Variants in HCFC1 observed in about 807,000 individuals in gnomAD.
HCFC1 encodes the protein host cell factor 1.
In HCFC1, 7 loss-of-function variants were observed where a neutral mutation model predicts 105.5. That is an observed-to-expected ratio of 0.07 (90% CI 0.04 to 0.12). HCFC1 has a LOEUF of 0.12. Ranked by LOEUF, HCFC1 falls within the 10% of genes least tolerant of loss-of-function variation. HCFC1 has a pLI of 1.00. For synonymous variants in HCFC1, 918 were observed against 828.1 expected (o/e 1.11, Z -1.86); for missense variants, 1,065 against 1,823.6 (o/e 0.58, Z 7.58).
intron 17 of HCFC1, 27 bp from the exon 18 acceptor site, chrX:153,953,797 C>T (rs3027880): frequency 1.7e-6 from 2 of 1,177,905 alleles, no homozygotes; most frequent in African/African-American, 3.5e-5. Context: ...CAGGCGGCTG[C>T]TCAGCAGGAG....
At chrX:153,964,449 CCAAGTT>C in intron 2 of HCFC1, 123 bp downstream of exon 2, 1 of 917,735 alleles carries the variant, frequency 1.1e-6, no homozygotes, top group African/African-American at 2.0e-5. Flanking sequence ...CTGAGGTGGG[CCAAGTT>C]CAGAGCAGCC....
chrX:153,961,855 C>T (rs782410038), intron 5 of HCFC1, among the ~76,000 whole-genome samples: 3 of 112,043 alleles, frequency 2.7e-5, no homozygotes, highest in East Asian at 2.8e-4. Context: ...ATAAAAGTGC[C>T]GTTCAGCTCA....
chrX:153,960,334 C>T lies in HCFC1; in HGVS notation c.985G>A (p.Ala329Thr), dbSNP rs1557116478. Reference protein sequence around the residue: ...PRARAGHCAVAINTRLYIWSG... With the variant: ...PRARAGHCAVTINTRLYIWSG... Reference sequence around the variant, plus strand: ...CAAATGTACAGGCGGGTGTTGATGGCGACTGCGCAGTGGCCAGCCCGAGCA... The same window carrying T: ...CAAATGTACAGGCGGGTGTTGATGGTGACTGCGCAGTGGCCAGCCCGAGCA... Residue 329 changes from alanine to threonine, a missense_variant, in exon 7 of 26, where the codon GCC becomes ACC. Transcript: ENST00000310441. 6.7e-6 allele frequency: 8 copies of T among 1,202,737 alleles called. No individual in the cohort carries two copies. The highest frequency in any genetic ancestry group is 1.7e-5 in the African/African-American group (1 of 57,461).
intron 16 of HCFC1, among the ~76,000 whole-genome samples, chrX:153,955,873 G>A (rs1327577490): frequency 1.8e-5 from 2 of 113,048 alleles, no homozygotes; most frequent in Non-Finnish European, 3.7e-5. Flanking sequence ...ACGTTTCACC[G>A]TTTTCCTTAA....
rs1210884262 is a variant in HCFC1 at position 153,970,831 on chromosome X, C to T, written c.10G>A (p.Ala4Thr). MAS[A>T]VSPANLPAVL... ...GCTGGCAAGTTGGCGGGCGACACGGCCGAAGCCATAGTTCCGGGAAAGGGT... is the reference window on the plus strand; with the variant it reads ...GCTGGCAAGTTGGCGGGCGACACGGTCGAAGCCATAGTTCCGGGAAAGGGT... The change falls in exon 1 of 26, where the codon GCC becomes ACC. Residue 4 changes from alanine to threonine, a missense_variant. Coordinates refer to ENST00000310441, the MANE Select transcript of HCFC1 (RefSeq NM_005334.3). 6.9e-6 allele frequency: 8 copies of T among 1,157,106 alleles called. No individual in the cohort carries two copies. Among genetic ancestry groups the T allele is most frequent in the Non-Finnish European group, 8.0e-6 (7 of 872,162 alleles).
At position 153,959,878 on chromosome X, in the gene HCFC1, C is replaced by T. The variant is rs782488161; in HGVS notation, c.1368G>A (p.Pro456=). The change falls in exon 8 of 26, where the codon CCG becomes CCA. Residue 456 remains proline, a synonymous_variant. Transcript: ENST00000310441. ...TLLPQAAPAP[P]TTTTIQVLPT... is the part of the protein sequence containing the mutation. ...GCAAGACCTGGATGGTGGTGGTGGT[C>T]GGGGGTGCGGGGGCAGCCTGGGGCA... 5.9e-6 allele frequency: 7 copies of T among 1,193,497 alleles called. No individual in the cohort carries two copies. The highest frequency in any genetic ancestry group is 5.3e-5 in the African/African-American group (3 of 56,908).
In HCFC1 at chrX:153,954,340, A is replaced by T; in HGVS notation, c.4059T>A (p.Ala1353=). The T allele has an allele frequency of 8.3e-7, 1 of 1,201,923 alleles. No homozygotes were observed. The highest frequency in any genetic ancestry group is 2.3e-4 in the Middle Eastern group (1 of 4,286). The change falls in exon 17 of 26, where the codon GCT becomes GCA. Residue 1353 remains alanine (A), a synonymous_variant. Coordinates refer to ENST00000310441, the MANE Select transcript of HCFC1 (RefSeq NM_005334.3). ...GQPEGGQQPP[A]GRPCETHQTT... ...TCTGGTGTGTCTCACAGGGGCGACC[A>T]GCAGGGGGCTGCTGCCCACCCTCGG...
In HCFC1 at chrX:153,954,358, A is replaced by C. The variant is rs782457287; in HGVS notation, c.4041T>G (p.Gly1347=). ...GGCGACCAGCAGGGGGCTGCTGCCC[A>C]CCCTCGGGCTGGCCCGTGCCCCCGT... is the stretch of plus-strand genomic sequence containing the variant. The part of the protein sequence containing the change: ...TSNGGTGQPE[G]GQQPPAGRPC... The change falls in exon 17 of 26, where the codon GGT becomes GGG. Residue 1347 remains glycine, a synonymous_variant. Coordinates refer to ENST00000310441, the MANE Select transcript of HCFC1 (RefSeq NM_005334.3). 75 of 1,190,626 alleles carry C rather than the reference A, an allele frequency of 6.3e-5. No homozygotes were observed. The highest frequency in any genetic ancestry group is 8.4e-5 in the Non-Finnish European group (75 of 888,003).
In HCFC1 at chrX:153,948,150, C is replaced by A. The variant is rs1391014338; in HGVS notation, c.*1197G>T. The A allele has an allele frequency of 5.4e-5, 6 of 112,001 alleles. No individual in the cohort carries two copies. Among genetic ancestry groups the A allele is most frequent in the Admixed American group, 9.4e-5 (1 of 10,599 alleles). 9.2% of individuals were successfully genotyped at this position (112,001 alleles called of 1,213,427 possible). On this transcript the variant is annotated 3_prime_UTR_variant, in exon 26 of 26. Coordinates refer to ENST00000310441, the MANE Select transcript of HCFC1 (RefSeq NM_005334.3). ...AGCAGTGGCTGCGGAAACCAGCAGC[C>A]CTGTTTGGGAGGCGGTGCCGGTGGT...
In HCFC1 at chrX:153,971,789, GCCT is replaced by G. The variant is rs1361741141; in HGVS notation, c.-952_-950del. On this transcript the variant is annotated 5_prime_UTR_variant, in exon 1 of 26. Coordinates refer to ENST00000310441, the MANE Select transcript of HCFC1 (RefSeq NM_005334.3). ...GAAGCGGTAACGGCAGGGCGCTCAT[GCCT>G]CCTCCCTGGGAGCCGCCATCTTGTG... The G allele has an allele frequency of 6.8e-6, 2 of 295,803 alleles. No homozygotes were observed. Among genetic ancestry groups the G allele is most frequent in the African/African-American group, 5.5e-5 (2 of 36,507 alleles). The allele number at this position is 295,803 out of a possible 1,213,427, so 24.4% of individuals were successfully genotyped here.
chrX:153,964,444 G>T, intron 2 of HCFC1, 134 bp downstream of exon 2: 1 of 891,685 alleles, frequency 1.1e-6, no homozygotes, highest in African/African-American at 2.0e-5. Flanking sequence ...TTCTTCTGAG[G>T]TGGGCCAAGT....
At chrX:153,951,565 G>A (rs1459517560) in intron 21 of HCFC1, 24 bp downstream of exon 21, 1 of 1,205,078 alleles carries the variant, frequency 8.3e-7, no homozygotes, top group African/African-American at 1.8e-5. Flanking sequence ...CACGGACTCA[G>A]GAGCCCCAAC....
chrX:153,961,003 T>C (rs2065424397), intron 6 of HCFC1, among the ~76,000 whole-genome samples: 1 of 112,117 alleles, frequency 8.9e-6, no homozygotes, highest in Non-Finnish European at 1.9e-5. Flanking sequence ...TAGGATACAC[T>C]TGCACACGGG....
rs2065310935 is a variant in HCFC1 at position 153,951,505 on chromosome X, T to C, written c.5380-18A>G. The C allele has an allele frequency of 8.3e-7, 1 of 1,208,963 alleles. No homozygotes were observed. The highest frequency in any genetic ancestry group is 1.8e-5 in the African/African-American group (1 of 57,033). On this transcript the variant is annotated intron_variant, in intron 21 of 25. Transcript: ENST00000310441. ...TCTGGCTTCTGCAAGACAGAATCGG[T>C]GCGACGAGATCAGGCCCTCAGCACC...
In HCFC1 at chrX:153,964,027, G is replaced by A. The variant is rs1187135942; in HGVS notation, c.503+97C>T. 4.3e-5 allele frequency: 32 copies of A among 752,426 alleles called. 1 individual carries two copies. Among genetic ancestry groups the A allele is most frequent in the Non-Finnish European group, 5.6e-5 (30 of 539,897 alleles). The allele number at this position is 752,426 out of a possible 1,213,427, so 62.0% of individuals were successfully genotyped here. On this transcript the variant is annotated intron_variant, in intron 3 of 25. Transcript: ENST00000310441. ...AGCACGAGAAAGGGACCCGGCCACG[G>A]GGCTCTGCTGCGCACATTCTTTAGG...
chrX:153,966,014 C>T (rs997904839), intron 1 of HCFC1, among the ~76,000 whole-genome samples: 10 of 111,173 alleles, frequency 9.0e-5, no homozygotes, highest in Non-Finnish European at 1.5e-4. Context: ...CAACTCCCAG[C>T]CTGGGTAGCA....
At position 153,970,685 on chromosome X, in the gene HCFC1, G is replaced by A. The variant is rs1296598257; in HGVS notation, c.156C>T (p.Asn52=). 6 of 1,207,220 alleles carry A rather than the reference G, an allele frequency of 5.0e-6. No individual in the cohort carries two copies. Among genetic ancestry groups the A allele is most frequent in the Non-Finnish European group, 6.7e-6 (6 of 893,935 alleles). ...KELIVVFGGG[N]EGIVDELHVY... is the part of the protein sequence containing the mutation. ...CGTGCAGTTCGTCCACTATTCCCTC[G>A]TTGCCGCCGCCAAACACCACGATGA... Residue 52 remains asparagine, a synonymous_variant, in exon 1 of 26, where the codon AAC becomes AAT. Coordinates refer to ENST00000310441, the MANE Select transcript of HCFC1 (RefSeq NM_005334.3).
At chrX:153,964,402 C>T in intron 2 of HCFC1, 118 bp from the exon 3 acceptor site, 1 of 892,211 alleles carries the variant, frequency 1.1e-6, no homozygotes, top group South Asian at 2.5e-5. Flanking sequence ...CTTGCTGGAG[C>T]AAGAAGGTCC....
chrX:153,957,393 G>C lies in HCFC1; in HGVS notation c.2274C>G (p.Pro758=), dbSNP rs782236483. 8.3e-7 allele frequency: 1 copy of C among 1,209,521 alleles called. No individual in the cohort carries two copies. The part of the protein sequence containing the change: ...PTILGISSVS[P]STTKPGTTTI... The stretch of plus-strand genomic sequence containing the variant: ...TGGTCGTGCCGGGCTTGGTGGTACT[G>C]GGGGAGACGCTGCTGATGCCCAGGA... Residue 758 remains proline, a synonymous_variant, in exon 13 of 26, where the codon CCC becomes CCG. Transcript: ENST00000310441.
Sources: allele counts gnomAD v4.1 joint callset (sites outside exome capture counted in the v4.1 genomes callset), GRCh38; gene constraint gnomAD v4.1.1; transcripts MANE v1.5; gene names NCBI Gene and HGNC (gene_info 2026-07-23, HGNC 2026-07-21).